TCOF1: variants seen among roughly 807,000 people sequenced by gnomAD.
The protein encoded by TCOF1 is treacle protein.
TCOF1 carries 33 observed loss-of-function variants against 149.0 expected under a neutral mutation model. That is an observed-to-expected ratio of 0.22 (90% CI 0.17 to 0.30). The LOEUF (loss-of-function observed/expected upper bound fraction) is 0.30. Ranked by LOEUF, TCOF1 falls within the 10% of genes least tolerant of loss-of-function variation. TCOF1 has a pLI of 1.00. For synonymous variants in TCOF1, 789 were observed against 738.8 expected, an observed-to-expected ratio of 1.07 and a Z score of -1.10; for missense variants, 1,728 against 1,840.7, an observed-to-expected ratio of 0.94 and a Z score of 1.12.
Position 150,379,999 on chromosome 5 carries a change from G to T in TCOF1, c.2859+267G>T, listed in dbSNP as rs532759209. ...AGGCAGGAGAATCCCTAGAACCTGGGAGGCGGAGGCTGCAGCAAGCCAAGA... is the reference window on the plus strand; with the variant it reads ...AGGCAGGAGAATCCCTAGAACCTGGTAGGCGGAGGCTGCAGCAAGCCAAGA... On this transcript the variant is annotated intron_variant, in intron 17 of 26. Coordinates refer to ENST00000643257, the MANE Select transcript of TCOF1 (RefSeq NM_001371623.1). The T allele has an allele frequency of 3.9e-4, 168 of 430,906 alleles. 1 individual carries two copies. The Middle Eastern group carries it at 5.8e-3, about 15-fold the overall frequency. The allele number at this position is 430,906 out of a possible 1,614,324, so 26.7% of individuals were successfully genotyped here.
At chr5:150,397,696 A>G (rs974178950) in intron 24 of TCOF1, among the ~76,000 whole-genome samples, 1 of 152,172 alleles carries the variant, frequency 6.6e-6, no homozygotes, top group Non-Finnish European at 1.5e-5. Context: ...GCACCCTCAG[A>G]GCAGGACTTG....
intron 17 of TCOF1, chr5:150,383,631 C>G (rs1419544215): frequency 8.5e-7 from 1 of 1,173,342 alleles, no homozygotes; most frequent in Non-Finnish European, 1.2e-6. Flanking sequence ...GGGAATCAAG[C>G]CTTAGAGTTG....
intron 17 of TCOF1, chr5:150,384,969 C>G: frequency 1.0e-6 from 1 of 985,416 alleles, no homozygotes; most frequent in Non-Finnish European, 1.2e-6. Flanking sequence ...TGGCTCCATT[C>G]CTAGACCCCT....
intron 22 of TCOF1, 148 bp downstream of exon 22, chr5:150,392,938 G>T (rs946029943): frequency 7.4e-6 from 7 of 946,014 alleles, no homozygotes; most frequent in South Asian, 7.0e-5. Flanking sequence ...AAGGCACCAC[G>T]TGTGGCCCAG....
chr5:150,394,424 CTG>C (rs978932741), intron 23 of TCOF1: 1 of 152,372 alleles, frequency 6.6e-6, no homozygotes, highest in African/African-American at 2.4e-5. Context: ...TGTATCCAGT[CTG>C]TGTCAAGGCA....
In TCOF1 at chr5:150,396,689, G is replaced by T; in HGVS notation, c.4192G>T (p.Gly1398Cys). ...GAAAGCAAAGAGAGACAAAGCAAGTGGTGATGTCAAGGAGAAGAAAGGGAA... is the reference window on the plus strand; with the variant it reads ...GAAAGCAAAGAGAGACAAAGCAAGTTGTGATGTCAAGGAGAAGAAAGGGAA... ...KGKAKRDKAS[G>C]DVKEKKGKGS... Residue 1398 changes from glycine (G) to cysteine (C), a missense_variant, in exon 24 of 27, where the codon GGT (glycine) becomes TGT (cysteine). Physicochemically the swap from Gly to Cys is radical, Grantham distance 159 (BLOSUM62 -3). Coordinates refer to ENST00000643257, the MANE Select transcript of TCOF1 (RefSeq NM_001371623.1). 1 of 1,612,784 alleles carries T rather than the reference G, an allele frequency of 6.2e-7. No homozygotes were observed. Among genetic ancestry groups the T allele is most frequent in the South Asian group, 1.1e-5 (1 of 90,870 alleles).
In TCOF1 at chr5:150,372,001, TC is replaced by T. The variant is rs780545877; in HGVS notation, c.640-3del. ...TCATTTTCTAATTCCATCCTCTTGT[TC>T]CAGGGGAAACCCTCAGTAAAACCAG... On this transcript the variant is annotated splice_polypyrimidine_tract_variant and splice_region_variant and intron_variant, in intron 6 of 26. Transcript: ENST00000643257. 6.2e-7 allele frequency: 1 copy of T among 1,612,248 alleles called. No individual in the cohort carries two copies. The highest frequency in any genetic ancestry group is 1.1e-5 in the South Asian group (1 of 91,060).
At chr5:150,392,905 G>GGGA in intron 22 of TCOF1, 115 bp downstream of exon 22, 1 of 1,301,134 alleles carries the variant, frequency 7.7e-7, no homozygotes, top group Non-Finnish European at 1.1e-6. Flanking sequence ...CTTCACAGAG[G>GGGA]CCTTGGGCAA....
intron 18 of TCOF1, 120 bp downstream of exon 18, chr5:150,388,208 G>T (rs777996999): frequency 2.2e-6 from 3 of 1,378,048 alleles, no homozygotes; most frequent in Non-Finnish European, 3.0e-6. Flanking sequence ...AGGGGCTTGG[G>T]GTCAGGTCTC....
chr5:150,383,950 C>G (rs1765756950), intron 17 of TCOF1: 1 of 1,452,338 alleles, frequency 6.9e-7, no homozygotes, highest in Non-Finnish European at 9.0e-7. Context: ...TGTGTGAACC[C>G]TGGCCCTTCC....
chr5:150,383,269 C>A, intron 17 of TCOF1: 2 of 1,078,884 alleles, frequency 1.9e-6, no homozygotes, highest in Non-Finnish European at 2.6e-6. Flanking sequence ...GAAAATCTCG[C>A]CATATTTAAA....
chr5:150,361,356 A>G lies in TCOF1; in HGVS notation c.164+145A>G, dbSNP rs1381733973. The G allele has an allele frequency of 4.7e-6, 4 of 858,344 alleles. No homozygotes were observed. In the African/African-American group the frequency reaches 5.0e-5, roughly 11 times the overall value. 53.2% of individuals were successfully genotyped at this position (858,344 alleles called of 1,614,324 possible). On this transcript the variant is annotated intron_variant, in intron 2 of 26. Coordinates refer to ENST00000643257, the MANE Select transcript of TCOF1 (RefSeq NM_001371623.1). ...TGTTGCCTCCAGAAAGCCAGCTCAC[A>G]TCACATGGATGGGTATTTCTGTGTG...
chr5:150,365,658 A>G (rs185518565), intron 3 of TCOF1, among the ~76,000 whole-genome samples: 7 of 152,230 alleles, frequency 4.6e-5, no homozygotes, highest in South Asian at 2.1e-4. Flanking sequence ...GTATTAATCA[A>G]TTTTATAAGC....
intron 18 of TCOF1, among the ~76,000 whole-genome samples, chr5:150,389,244 T>C (rs530244666): frequency 1.3e-5 from 2 of 152,320 alleles, no homozygotes; most frequent in South Asian, 4.1e-4. Flanking sequence ...AAATGCTAAC[T>C]TTATAAAAAC....
intron 17 of TCOF1, chr5:150,384,992 G>C: frequency 1.0e-6 from 1 of 985,348 alleles, no homozygotes; most frequent in African/African-American, 1.7e-5. Flanking sequence ...CTGTGCCTCC[G>C]CCCTGTTGTG....
At chr5:150,370,311 A>G (rs1762243175) in intron 6 of TCOF1, among the ~76,000 whole-genome samples, 1 of 152,172 alleles carries the variant, frequency 6.6e-6, no homozygotes, top group Non-Finnish European at 1.5e-5. Context: ...AAGCAGAAGG[A>G]ATGGCATGTG....
chr5:150,379,118 G>T (rs955386457), intron 15 of TCOF1, 76 bp downstream of exon 15: 5 of 1,613,784 alleles, frequency 3.1e-6, no homozygotes, highest in African/African-American at 2.7e-5. Flanking sequence ...GCCCAGCCAG[G>T]AGAAGGTGCG....
chr5:150,358,121 C>A (rs1759079263), intron 1 of TCOF1, among the ~76,000 whole-genome samples: 1 of 152,196 alleles, frequency 6.6e-6, no homozygotes, highest in Admixed American at 6.5e-5. Context: ...ATTCCCGCTT[C>A]CCTTACCTCC....
At chr5:150,359,346 CAA>C (rs777626460) in intron 1 of TCOF1, among the ~76,000 whole-genome samples, 4 of 110,472 alleles carry the variant, frequency 3.6e-5, no homozygotes, top group Admixed American at 9.4e-5. Flanking sequence ...GACTCCATCT[CAA>C]AAAAAAAAAA....
Sources: gnomAD v4.1 joint callset for allele counts (sites outside exome capture counted in the v4.1 genomes callset) on GRCh38, gnomAD v4.1.1 for gene constraint, MANE v1.5 for transcripts, NCBI Gene and HGNC (gene_info 2026-07-23, HGNC 2026-07-21) for gene names.